The following CAPN9 variants were observed in gnomAD, a reference collection of about 807,000 sequenced individuals.
CAPN9 encodes calpain 9.
A neutral mutation model predicts 92.8 loss-of-function variants in CAPN9; 81 were observed. That is an observed-to-expected ratio of 0.87 (90% CI 0.73 to 1.05). CAPN9 has a LOEUF of 1.05. CAPN9 is among the 50% of genes least tolerant of loss of function. The probability of loss-of-function intolerance (pLI) is 0.00; values close to 1 mark genes in which losing one functional copy is unlikely to be tolerated. For missense variants in CAPN9, 848 were observed against 866.2 expected (o/e 0.98, Z 0.26); for synonymous variants, 304 against 328.0 (o/e 0.93, Z 0.79).
chr1:230,752,811 T>G lies in CAPN9; in HGVS notation c.214-2526T>G, dbSNP rs969766085. The G allele has an allele frequency of 5.7e-5, 31 of 541,446 alleles. No individual in the cohort carries two copies. In the African/African-American group the frequency reaches 6.0e-4, roughly 10 times the overall value. The allele number at this position is 541,446 out of a possible 1,614,324, so 33.5% of individuals were successfully genotyped here. On this transcript the variant is annotated intron_variant, in intron 1 of 19. Coordinates refer to ENST00000271971, the MANE Select transcript of CAPN9 (RefSeq NM_006615.3). ...AGACAGGGAGGGCTTGGGGGACTCC[T>G]GGGTTTCCCTTCGGGCAGGCACATT...
Position 230,759,202 on chromosome 1 carries a change from C to T in CAPN9, c.284-310C>T, listed in dbSNP as rs28359607. The stretch of plus-strand genomic sequence containing the variant: ...TGACACTGATGTATGCAGTCTTGGT[C>T]CTCTGGAAAGGGAGTTGCTGGAATT... On this transcript the variant is annotated intron_variant, in intron 2 of 19. Coordinates refer to ENST00000271971, the MANE Select transcript of CAPN9 (RefSeq NM_006615.3). Among the ~76,000 whole-genome samples, 328 of 152,292 alleles carry T rather than the reference C, an allele frequency of 2.2e-3. 5 individuals are homozygous for T. The highest frequency in any genetic ancestry group is 0.019 in the Admixed American group (284 of 15,292).
rs552497653 is a variant in CAPN9, at chr1:230,779,339, A to T, written c.1114+206A>T. The stretch of plus-strand genomic sequence containing the variant: ...TGTTTTACCACTTAGGTTATTTTCC[A>T]TTACAAGTAATGGAAAGCATGACTC... On this transcript the variant is annotated intron_variant, in intron 9 of 19. Coordinates refer to ENST00000271971, the MANE Select transcript of CAPN9 (RefSeq NM_006615.3). Among the ~76,000 whole-genome samples the T allele has an allele frequency of 2.6e-5, 4 of 152,344 alleles. No homozygotes were observed. The East Asian group carries it at 7.7e-4, about 29-fold the overall frequency.
chr1:230,795,856 G>C (rs1039214365), intron 18 of CAPN9, among the ~76,000 whole-genome samples: 2 of 152,126 alleles, frequency 1.3e-5, no homozygotes, highest in African/African-American at 4.8e-5. Context: ...CTGTGTGCAG[G>C]TGCCAAAGGA....
At chr1:230,752,780 C>A in intron 1 of CAPN9, 2 of 854,910 alleles carry the variant, frequency 2.3e-6, no homozygotes, top group Non-Finnish European at 2.8e-6. Context: ...AGGGGCTGGG[C>A]AATCAAGACA....
At chr1:230,795,760 C>T (rs1668311890) in intron 18 of CAPN9, among the ~76,000 whole-genome samples, 1 of 152,058 alleles carries the variant, frequency 6.6e-6, no homozygotes. Context: ...GCCATCCTGC[C>T]CCTCAAAGGT....
At chr1:230,786,855 C>T in intron 12 of CAPN9, among the ~76,000 whole-genome samples, 1 of 152,072 alleles carries the variant, frequency 6.6e-6, no homozygotes, top group Admixed American at 6.5e-5. Flanking sequence ...ATTACATCTC[C>T]CCTATGTTAT....
At chr1:230,800,785 C>G (rs1329739330) in intron 19 of CAPN9, among the ~76,000 whole-genome samples, 1 of 152,162 alleles carries the variant, frequency 6.6e-6, no homozygotes, top group Non-Finnish European at 1.5e-5. Flanking sequence ...TTTCTTTAAT[C>G]CCCTTGGTGA....
chr1:230,752,673 G>A (rs1558081461), intron 1 of CAPN9: 2 of 985,220 alleles, frequency 2.0e-6, no homozygotes, highest in Non-Finnish European at 2.4e-6. Flanking sequence ...CAGCCTGCTG[G>A]GCAGGGATCT....
intron 2 of CAPN9, among the ~76,000 whole-genome samples, chr1:230,758,228 T>C (rs1342191257): frequency 1.3e-5 from 2 of 152,186 alleles, no homozygotes; most frequent in East Asian, 3.8e-4. Flanking sequence ...CTGGGAAAGG[T>C]CAGCCCACAG....
intron 9 of CAPN9, 82 bp downstream of exon 9, chr1:230,779,215 C>A: frequency 7.5e-7 from 1 of 1,336,102 alleles, no homozygotes; most frequent in Non-Finnish European, 1.0e-6. Flanking sequence ...GGGCCGGGTC[C>A]TCAGAGAAAG....
intron 13 of CAPN9, 79 bp from the exon 14 acceptor site, chr1:230,790,053 C>T: frequency 1.6e-6 from 2 of 1,259,710 alleles, no homozygotes; most frequent in Middle Eastern, 1.9e-4. Context: ...AAATGAAGCT[C>T]AGAACTGATT....
At chr1:230,754,264 G>A (rs959444663) in intron 1 of CAPN9, among the ~76,000 whole-genome samples, 1 of 152,092 alleles carries the variant, frequency 6.6e-6, no homozygotes, top group African/African-American at 2.4e-5. Context: ...AAGAGTGGAA[G>A]AATATATGCA....
chr1:230,763,278 A>T (rs1465966543), intron 4 of CAPN9, among the ~76,000 whole-genome samples: 1 of 152,192 alleles, frequency 6.6e-6, no homozygotes, highest in Non-Finnish European at 1.5e-5. Context: ...TACCATTTTT[A>T]AGTGTGCAGT....
At chr1:230,799,893 C>T (rs1430060333) in intron 19 of CAPN9, among the ~76,000 whole-genome samples, 1 of 150,678 alleles carries the variant, frequency 6.6e-6, no homozygotes, top group African/African-American at 2.5e-5. Context: ...GATAGCAAGA[C>T]CCTGTCTCTT....
chr1:230,787,593 C>T lies in CAPN9; in HGVS notation c.1590C>T (p.Val530=), dbSNP rs749732761. 46 of 1,613,638 alleles carry T rather than the reference C, an allele frequency of 2.9e-5. No homozygotes were observed. The highest frequency in any genetic ancestry group is 8.8e-5 in the South Asian group (8 of 91,060). Residue 530 remains valine, a synonymous_variant, in exon 13 of 20, where the codon GTC becomes GTT. Transcript: ENST00000271971. ...EQRFRALFEQ[V]AGEDMEVTAE... ...GGTTTCGGGCTCTGTTTGAACAAGTCGCTGGTGAGGTAGGACATGCCCCAC... is the reference window on the plus strand; with the variant it reads ...GGTTTCGGGCTCTGTTTGAACAAGTTGCTGGTGAGGTAGGACATGCCCCAC...
intron 8 of CAPN9, chr1:230,776,045 T>G (rs950029243): frequency 3.3e-5 from 5 of 152,158 alleles, no homozygotes; most frequent in African/African-American, 1.2e-4. Context: ...TGTCTTAGTC[T>G]ATTTGGGTGG....
intron 1 of CAPN9, among the ~76,000 whole-genome samples, chr1:230,753,669 A>G (rs1665003440): frequency 6.6e-6 from 1 of 152,116 alleles, no homozygotes; most frequent in Admixed American, 6.5e-5. Flanking sequence ...TTCCACCTCC[A>G]GCCCAGGCCC....
Position 230,801,892 on chromosome 1 carries a change from A to G in CAPN9, c.*296A>G. ...CACTCTACTTTCCTTATTTCCTTCC[A>G]TTAAGAATTACTCAGAGTTCTAACG... is the stretch of plus-strand genomic sequence containing the variant. On this transcript the variant is annotated 3_prime_UTR_variant, in exon 20 of 20. Coordinates refer to ENST00000271971, the MANE Select transcript of CAPN9 (RefSeq NM_006615.3). 1 of 453,332 alleles carries G rather than the reference A, an allele frequency of 2.2e-6. No homozygotes were observed. The highest frequency in any genetic ancestry group is 4.0e-6 in the Non-Finnish European group (1 of 252,346). The allele number at this position is 453,332 out of a possible 1,614,324, so 28.1% of individuals were successfully genotyped here. A position where few individuals can be genotyped will look rare whatever the true frequency, so the allele number is the denominator to read the frequency against.
In CAPN9 at chr1:230,780,538, C is replaced by T. The variant is rs763419122; in HGVS notation, c.1311C>T (p.Phe437=). ...DKDEHLNKDF[F]RYHASRARSK... ...ACGAACACCTGAACAAAGACTTCTT[C>T]AGATACCACGCTTCTCGGGCCAGAA... Residue 437 remains phenylalanine (F), a synonymous_variant, in exon 11 of 20, where the codon TTC becomes TTT. Transcript: ENST00000271971. The T allele has an allele frequency of 6.2e-7, 1 of 1,614,176 alleles. No individual in the cohort carries two copies. Among genetic ancestry groups the T allele is most frequent in the South Asian group, 1.1e-5 (1 of 91,074 alleles).
Sources: gnomAD v4.1 joint callset for allele counts (sites outside exome capture counted in the v4.1 genomes callset) on GRCh38, gnomAD v4.1.1 for gene constraint, MANE v1.5 for transcripts, NCBI Gene and HGNC (gene_info 2026-07-23, HGNC 2026-07-21) for gene names.